WDR27: variants seen among roughly 807,000 people sequenced by gnomAD.
The protein encoded by WDR27 is WD repeat-containing protein 27.
WDR27 carries 100 observed loss-of-function variants against 114.4 expected under a neutral mutation model. The ratio of observed to expected loss-of-function variants is 0.87; its 90% confidence interval spans 0.74 to 1.03. The LOEUF is 1.03. Ranked by LOEUF, WDR27 falls within the 50% of genes least tolerant of loss-of-function variation. The pLI, the probability that WDR27 is intolerant of heterozygous loss-of-function variation, is 0.00. For synonymous variants in WDR27, 449 were observed against 423.1 expected, an observed-to-expected ratio of 1.06 and a Z score of -0.75; for missense variants, 1,129 against 1,092.9, an observed-to-expected ratio of 1.03 and a Z score of -0.47.
intron 24 of WDR27, among the ~76,000 whole-genome samples, chr6:169,576,810 G>A (rs1349472737): frequency 3.3e-5 from 5 of 151,024 alleles, no homozygotes; most frequent in Non-Finnish European, 7.4e-5. Flanking sequence ...AAAAGGAAAA[G>A]GAAAGAAATT....
At chr6:169,501,971 C>G (rs922129289) in intron 25 of WDR27, among the ~76,000 whole-genome samples, 1 of 152,246 alleles carries the variant, frequency 6.6e-6, no homozygotes, top group Non-Finnish European at 1.5e-5. Flanking sequence ...CCCCTAAGAT[C>G]ACAGCCAAGG....
At chr6:169,669,106 ATATT>A (rs1350286658) in intron 4 of WDR27, among the ~76,000 whole-genome samples, 6 of 152,228 alleles carry the variant, frequency 3.9e-5, no homozygotes. Context: ...ATCCTGAAAA[ATATT>A]TAAGTTATTT....
At chr6:169,446,537 G>A in the WDR27 span, among the ~76,000 whole-genome samples, 1 of 152,200 alleles carries the variant, frequency 6.6e-6, no homozygotes, top group East Asian at 1.9e-4. Flanking sequence ...CACAGGATTT[G>A]GGAGCATCTG....
At chr6:169,445,716 C>T in the WDR27 span, among the ~76,000 whole-genome samples, 1 of 152,282 alleles carries the variant, frequency 6.6e-6, no homozygotes, top group Non-Finnish European at 1.5e-5. Context: ...CTGCTTCAGC[C>T]GCCAGCACTG....
intron 3 of WDR27, chr6:169,671,967 T>C: frequency 4.2e-6 from 1 of 236,926 alleles, no homozygotes; most frequent in Non-Finnish European, 8.1e-6. Flanking sequence ...TGATACAAAA[T>C]GGACAGTTCT....
chr6:169,480,967 ACT>A (rs952276182), intron 25 of WDR27, among the ~76,000 whole-genome samples: 1 of 150,950 alleles, frequency 6.6e-6, no homozygotes, highest in African/African-American at 2.4e-5. Context: ...ACCAATCAGC[ACT>A]CTGTGTCTAG....
intron 25 of WDR27, among the ~76,000 whole-genome samples, chr6:169,571,456 C>A (rs1474772964): frequency 6.6e-6 from 1 of 152,140 alleles, no homozygotes; most frequent in African/African-American, 2.4e-5. Flanking sequence ...GGACTCAAAC[C>A]AGCAATTAGC....
Position 169,633,012 on chromosome 6 carries a change from C to T in WDR27, c.2158G>A (p.Gly720Ser), listed in dbSNP as rs200076349. 295 of 1,598,566 alleles carry T rather than the reference C, an allele frequency of 1.8e-4. No individual in the cohort carries two copies. The highest frequency in any genetic ancestry group is 2.2e-4 in the Non-Finnish European group (255 of 1,167,544). Residue 720 changes from glycine (G) to serine (S), a missense_variant, in exon 21 of 26, where the codon GGC becomes AGC. Gly to Ser is a moderately conservative substitution (Grantham distance 56). Transcript: ENST00000448612. The stretch of plus-strand genomic sequence containing the variant: ...TCCGCTATCACCGCTGCACTGCAGC[C>T]GGCGTTGAGGTCAAACACTTCCACG... ...RTVEVFDLNA[G>S]CSAAVIAEAH...
chr6:169,574,460 A>T (rs899044941), intron 24 of WDR27, among the ~76,000 whole-genome samples: 1 of 152,228 alleles, frequency 6.6e-6, no homozygotes, highest in Non-Finnish European at 1.5e-5. Context: ...AAAACAAGTC[A>T]TGGAATCTGT....
rs187730057 is a variant in WDR27, at chr6:169,615,024, C to G, written c.2224-1368G>C. Among the ~76,000 whole-genome samples, 19 of 151,834 alleles carry G rather than the reference C, an allele frequency of 1.3e-4. No homozygotes were observed. In the East Asian group the frequency reaches 3.7e-3, roughly 29 times the overall value. On this transcript the variant is annotated intron_variant, in intron 21 of 25. Transcript: ENST00000448612. ...AAGGTAAACTTTTAAAAAATGTGTT[C>G]AATCCAATAGAGGGTGAGGAAGAAG...
chr6:169,674,611 T>C (rs1257913917), intron 2 of WDR27, among the ~76,000 whole-genome samples: 2 of 152,204 alleles, frequency 1.3e-5, no homozygotes, highest in Admixed American at 6.5e-5. Flanking sequence ...CTGACATACA[T>C]GTAAGCAGGG....
chr6:169,521,549 G>T (rs80043608), intron 25 of WDR27, among the ~76,000 whole-genome samples: 6,617 of 152,140 alleles, frequency 0.043, 394 homozygotes, highest in African/African-American at 0.14. Flanking sequence ...CATAACAATA[G>T]TATGAAGCCC....
chr6:169,554,236 C>A (rs1798565121), intron 25 of WDR27, among the ~76,000 whole-genome samples: 3 of 152,196 alleles, frequency 2.0e-5, no homozygotes, highest in Non-Finnish European at 4.4e-5. Flanking sequence ...CTCCCTTCAG[C>A]CTCAGGGGCT....
intron 24 of WDR27, among the ~76,000 whole-genome samples, chr6:169,580,005 G>C (rs1771922054): frequency 6.6e-6 from 1 of 152,164 alleles, no homozygotes; most frequent in African/African-American, 2.4e-5. Context: ...CCAAGTGTGA[G>C]CTATGCTCTC....
At chr6:169,481,601 C>G (rs1444955518) in intron 25 of WDR27, among the ~76,000 whole-genome samples, 1 of 152,176 alleles carries the variant, frequency 6.6e-6, no homozygotes, top group Non-Finnish European at 1.5e-5. Flanking sequence ...AGACCATGAA[C>G]CAACTAGAAG....
intron 23 of WDR27, among the ~76,000 whole-genome samples, chr6:169,583,585 T>A (rs1488435335): frequency 1.9e-4 from 29 of 150,552 alleles, no homozygotes; most frequent in African/African-American, 6.8e-4. Flanking sequence ...AAATAGTTTA[T>A]TTTGGAGACA....
intron 25 of WDR27, among the ~76,000 whole-genome samples, chr6:169,533,683 C>T (rs1316745828): frequency 6.6e-6 from 1 of 152,206 alleles, no homozygotes; most frequent in East Asian, 1.9e-4. Context: ...GCTGTGTTCA[C>T]AGAACCATGC....
chr6:169,523,574 TA>T (rs1794633569), intron 25 of WDR27, among the ~76,000 whole-genome samples: 1 of 151,976 alleles, frequency 6.6e-6, no homozygotes, highest in Non-Finnish European at 1.5e-5. Context: ...AACAACCCAT[TA>T]AAAAGATCAT....
rs766466460 is a variant in WDR27 at position 169,634,538 on chromosome 6, A to G, written c.2004-13T>C. 1 of 1,575,982 alleles carries G rather than the reference A, an allele frequency of 6.3e-7. No individual in the cohort carries two copies. Among genetic ancestry groups the G allele is most frequent in the Non-Finnish European group, 8.7e-7 (1 of 1,153,868 alleles). On this transcript the variant is annotated splice_polypyrimidine_tract_variant and intron_variant, in intron 19 of 25. Coordinates refer to ENST00000448612, the MANE Select transcript of WDR27 (RefSeq NM_182552.5). Reference sequence around the variant, plus strand: ...CTTCTGTTTATATCTGGAAGAGAAAATCAAGATGATCAATATTTTTGCTTT... The same window carrying G: ...CTTCTGTTTATATCTGGAAGAGAAAGTCAAGATGATCAATATTTTTGCTTT...
Sources: gnomAD v4.1 joint callset for allele counts (sites outside exome capture counted in the v4.1 genomes callset) on GRCh38, gnomAD v4.1.1 for gene constraint, MANE v1.5 for transcripts, NCBI Gene and HGNC (gene_info 2026-07-23, HGNC 2026-07-21) for gene names.